Variants in SLX4IP observed in about 807,000 individuals in gnomAD.
The protein encoded by SLX4IP is protein SLX4IP.
Under a neutral mutation model 32.9 loss-of-function variants are expected in SLX4IP, and 34 were observed. The observed-to-expected ratio is 1.03, with a 90% CI of 0.79 to 1.38. The LOEUF (loss-of-function observed/expected upper bound fraction) is 1.38. SLX4IP is among the 40% of genes most tolerant of loss of function. The pLI is 0.00. For synonymous variants in SLX4IP, 172 were observed against 171.7 expected, an observed-to-expected ratio of 1.00 and a Z score of -0.01; for missense variants, 444 against 479.0, an observed-to-expected ratio of 0.93 and a Z score of 0.68.
intron 2 of SLX4IP, among the ~76,000 whole-genome samples, chr20:10,463,985 G>A (rs921127198): frequency 6.6e-6 from 1 of 152,144 alleles, no homozygotes; most frequent in Non-Finnish European, 1.5e-5. Flanking sequence ...GGGAGGGCAG[G>A]TATAAGGATT....
chr20:10,466,351 T>C (rs980442803), intron 2 of SLX4IP, among the ~76,000 whole-genome samples: 1 of 152,218 alleles, frequency 6.6e-6, no homozygotes, highest in Non-Finnish European at 1.5e-5. Context: ...TGTAGATAAT[T>C]TCCTCTGCTT....
intron 4 of SLX4IP, among the ~76,000 whole-genome samples, chr20:10,571,883 C>A (rs1343292453): frequency 1.3e-5 from 2 of 152,198 alleles, no homozygotes; most frequent in Non-Finnish European, 2.9e-5. Flanking sequence ...TAGCTTTTCT[C>A]ATCTGGTTTT....
intron 4 of SLX4IP, among the ~76,000 whole-genome samples, chr20:10,564,166 A>G (rs1405304952): frequency 6.6e-6 from 1 of 152,202 alleles, no homozygotes; most frequent in Non-Finnish European, 1.5e-5. Context: ...TATTAACAGC[A>G]TCACTAAAAA....
chr20:10,594,795 T>A (rs1290201720), intron 4 of SLX4IP, among the ~76,000 whole-genome samples: 2 of 152,210 alleles, frequency 1.3e-5, no homozygotes, highest in East Asian at 3.8e-4. Context: ...AAATTTCTAG[T>A]AGAGCCATTT....
intron 2 of SLX4IP, among the ~76,000 whole-genome samples, chr20:10,475,746 C>T (rs1303216797): frequency 2.0e-5 from 3 of 152,216 alleles, no homozygotes; most frequent in Non-Finnish European, 2.9e-5. Context: ...CAGATGTCCA[C>T]TTTTGCTTCA....
chr20:10,552,092 A>G lies in SLX4IP; in HGVS notation c.28-4139A>G, dbSNP rs117166614. On this transcript the variant is annotated intron_variant, in intron 2 of 7. Transcript: ENST00000334534. Reference sequence around the variant, plus strand: ...GGGGAAGGGAGGAGTTGGGGGTGACACCCCTGTTGTTGGCTGAATCCTCTG... The same window carrying G: ...GGGGAAGGGAGGAGTTGGGGGTGACGCCCCTGTTGTTGGCTGAATCCTCTG... Among the ~76,000 whole-genome samples the G allele has an allele frequency of 3.5e-3, 529 of 152,268 alleles. 2 individuals are homozygous for G. The highest frequency in any genetic ancestry group is 5.3e-3 in the Non-Finnish European group (363 of 68,006).
At chr20:10,557,868 C>G (rs910382302) in intron 3 of SLX4IP, among the ~76,000 whole-genome samples, 1 of 152,176 alleles carries the variant, frequency 6.6e-6, no homozygotes, top group Admixed American at 6.5e-5. Flanking sequence ...TGCGTGGATG[C>G]TCATAGTACC....
intron 1 of SLX4IP, among the ~76,000 whole-genome samples, chr20:10,450,782 C>T (rs1294170913): frequency 6.6e-6 from 1 of 152,214 alleles, no homozygotes; most frequent in Non-Finnish European, 1.5e-5. Context: ...GACGGAGTCT[C>T]GCTCTGTCGC....
At chr20:10,556,447 T>C in intron 3 of SLX4IP, 127 bp downstream of exon 3, 1 of 949,722 alleles carries the variant, frequency 1.1e-6, no homozygotes, top group Non-Finnish European at 1.6e-6. Flanking sequence ...TGAAAAACAA[T>C]TGTATTCCCA....
intron 1 of SLX4IP, among the ~76,000 whole-genome samples, chr20:10,446,411 C>CAAAA (rs36181096): frequency 8.9e-6 from 1 of 112,400 alleles, no homozygotes; most frequent in Non-Finnish European, 1.7e-5. Context: ...GACTCTGTCT[C>CAAAA]AAAAAAAAAA....
intron 2 of SLX4IP, among the ~76,000 whole-genome samples, chr20:10,468,539 C>T (rs1449545467): frequency 3.3e-5 from 5 of 152,288 alleles, no homozygotes; most frequent in East Asian, 1.9e-4. Flanking sequence ...AACTGGGGAA[C>T]GTGGCCCACT....
At chr20:10,518,830 A>G (rs909489746) in intron 2 of SLX4IP, among the ~76,000 whole-genome samples, 1 of 152,084 alleles carries the variant, frequency 6.6e-6, no homozygotes, top group African/African-American at 2.4e-5. Context: ...TTGGCCTCCC[A>G]AAGTGCTGGG....
chr20:10,547,553 T>A (rs1484049756), intron 2 of SLX4IP, among the ~76,000 whole-genome samples: 1 of 152,234 alleles, frequency 6.6e-6, no homozygotes, highest in Non-Finnish European at 1.5e-5. Context: ...TGGTCTGGAT[T>A]CACATTGTCA....
intron 1 of SLX4IP, among the ~76,000 whole-genome samples, chr20:10,452,671 A>AT (rs2065250930): frequency 1.2e-5 from 1 of 86,582 alleles, no homozygotes; most frequent in Non-Finnish European, 2.4e-5. Context: ...TCTCAAAAAA[A>AT]AAAAAAAAAA....
intron 6 of SLX4IP, among the ~76,000 whole-genome samples, chr20:10,606,190 A>G (rs1025994122): frequency 2.0e-5 from 3 of 152,240 alleles, no homozygotes; most frequent in Non-Finnish European, 4.4e-5. Context: ...TTATGATTAG[A>G]AAAACTTCCA....
chr20:10,515,658 C>T (rs1283996749), intron 2 of SLX4IP, among the ~76,000 whole-genome samples: 2 of 152,194 alleles, frequency 1.3e-5, no homozygotes, highest in African/African-American at 4.8e-5. Context: ...ATGATGTCTT[C>T]TGGATGAAAT....
At chr20:10,597,507 C>A (rs946676602) in intron 4 of SLX4IP, among the ~76,000 whole-genome samples, 4 of 152,188 alleles carry the variant, frequency 2.6e-5, no homozygotes, top group Admixed American at 2.0e-4. Flanking sequence ...ATAGTGTCTC[C>A]ATTTTCACAG....
At chr20:10,461,944 AT>A (rs1023466331) in intron 2 of SLX4IP, among the ~76,000 whole-genome samples, 1 of 151,968 alleles carries the variant, frequency 6.6e-6, no homozygotes, top group Non-Finnish European at 1.5e-5. Flanking sequence ...CTCTCGGCTA[AT>A]TTTTTTTATT....
intron 1 of SLX4IP, among the ~76,000 whole-genome samples, chr20:10,446,119 A>T (rs2065200687): frequency 6.6e-6 from 1 of 151,752 alleles, no homozygotes; most frequent in South Asian, 2.1e-4. Context: ...GTTAAGAATA[A>T]AGTTACTATG....
Sources: gnomAD v4.1 joint callset for allele counts (sites outside exome capture counted in the v4.1 genomes callset) on GRCh38, gnomAD v4.1.1 for gene constraint, MANE v1.5 for transcripts, NCBI Gene and HGNC (gene_info 2026-07-23, HGNC 2026-07-21) for gene names.